SGCD: variants seen among roughly 807,000 people sequenced by gnomAD.
SGCD encodes sarcoglycan delta.
SGCD carries 18 observed loss-of-function variants against 36.6 expected under a neutral mutation model. The observed-to-expected ratio is 0.49, with a 90% CI of 0.34 to 0.73. SGCD has a LOEUF of 0.73. Among genes scored for constraint, SGCD ranks in the 30% least tolerant of loss-of-function variants. SGCD has a pLI of 0.01. For synonymous variants in SGCD, 133 were observed against 130.6 expected, an observed-to-expected ratio of 1.02 and a Z score of -0.12; for missense variants, 387 against 346.7, an observed-to-expected ratio of 1.12 and a Z score of -0.92.
intron 3 of SGCD, among the ~76,000 whole-genome samples, chr5:156,345,714 A>G (rs1768905524): frequency 6.6e-6 from 1 of 152,102 alleles, no homozygotes; most frequent in Non-Finnish European, 1.5e-5. Context: ...CAAGAAACAA[A>G]CCAAATAACA....
At chr5:156,174,223 A>G (rs1763412095) in intron 3 of SGCD, among the ~76,000 whole-genome samples, 1 of 152,234 alleles carries the variant, frequency 6.6e-6, no homozygotes, top group Non-Finnish European at 1.5e-5. Context: ...GATGAAGATA[A>G]GAACTATAAA....
intron 3 of SGCD, among the ~76,000 whole-genome samples, chr5:156,307,558 T>TTG (rs1561611710): frequency 1.1e-5 from 1 of 87,018 alleles, no homozygotes; most frequent in Non-Finnish European, 2.2e-5. Context: ...AACTGTTGTT[T>TTG]TTTTTTTTTT....
chr5:155,950,839 T>C (rs1757534632), intron 1 of SGCD, among the ~76,000 whole-genome samples: 2 of 152,190 alleles, frequency 1.3e-5, no homozygotes, highest in African/African-American at 4.8e-5. Context: ...CTGTTATAAT[T>C]ATTGATTCCT....
chr5:156,146,733 A>T (rs999875017), intron 3 of SGCD, among the ~76,000 whole-genome samples: 1 of 152,230 alleles, frequency 6.6e-6, no homozygotes, highest in African/African-American at 2.4e-5. Context: ...GACTAAAAAT[A>T]AGCGTTAGTG....
chr5:156,191,858 G>A (rs766671677), intron 3 of SGCD, among the ~76,000 whole-genome samples: 1 of 152,162 alleles, frequency 6.6e-6, no homozygotes, highest in Non-Finnish European at 1.5e-5. Flanking sequence ...AGCCACTAGA[G>A]AGGTTTGGGA....
intron 1 of SGCD, among the ~76,000 whole-genome samples, chr5:155,897,846 A>G (rs1756301587): frequency 6.6e-6 from 1 of 152,238 alleles, no homozygotes; most frequent in African/African-American, 2.4e-5. Flanking sequence ...GTTGACCAAC[A>G]TGTCATCATG....
At chr5:156,307,848 C>CAAA (rs1204314551) in intron 3 of SGCD, among the ~76,000 whole-genome samples, 286 of 152,064 alleles carry the variant, frequency 1.9e-3, no homozygotes, top group African/African-American at 6.8e-3. Context: ...TATATTTTCA[C>CAAA]TTTGTGTGTT....
At chr5:156,443,304 G>A (rs1237352692) in intron 3 of SGCD, among the ~76,000 whole-genome samples, 1 of 152,032 alleles carries the variant, frequency 6.6e-6, no homozygotes, top group African/African-American at 2.4e-5. Flanking sequence ...CTTATTGACT[G>A]TTTCCTTTTA....
intron 1 of SGCD, among the ~76,000 whole-genome samples, chr5:155,956,067 C>T (rs951923487): frequency 8.7e-5 from 13 of 150,242 alleles, no homozygotes; most frequent in African/African-American, 3.2e-4. Context: ...ATTTAGATTT[C>T]TTTTTTCAGT....
chr5:156,619,988 GA>G (rs925592915), intron 6 of SGCD, among the ~76,000 whole-genome samples: 1 of 152,170 alleles, frequency 6.6e-6, no homozygotes, highest in Non-Finnish European at 1.5e-5. Context: ...AGACAGAGGA[GA>G]AAATATCCAG....
intron 3 of SGCD, among the ~76,000 whole-genome samples, chr5:156,503,602 G>A (rs4613690): frequency 0.28 from 41,984 of 151,922 alleles, 5,961 homozygotes; most frequent in East Asian, 0.41. Context: ...GACTACGAAT[G>A]TAAAGTCTGA....
intron 3 of SGCD, among the ~76,000 whole-genome samples, chr5:156,128,861 A>G (rs185327376): frequency 1.2e-4 from 18 of 152,356 alleles, no homozygotes; most frequent in African/African-American, 3.6e-4. Context: ...AAATTGACTA[A>G]TATAGTAGAA....
intron 3 of SGCD, among the ~76,000 whole-genome samples, chr5:156,208,961 C>G (rs2127640016): frequency 6.6e-6 from 1 of 152,224 alleles, no homozygotes; most frequent in South Asian, 2.1e-4. Context: ...TACAGGATCT[C>G]CATCACTCTT....
chr5:155,757,224 G>T, the SGCD span, among the ~76,000 whole-genome samples: 144 of 152,280 alleles, frequency 9.5e-4, no homozygotes, highest in Middle Eastern at 3.4e-3. Context: ...CCTAGAGCTG[G>T]CAGGGACCTC....
intron 1 of SGCD, among the ~76,000 whole-genome samples, chr5:156,059,316 C>T (rs1760143405): frequency 6.8e-6 from 1 of 146,020 alleles, no homozygotes. Flanking sequence ...TTAGCTTCTT[C>T]CTCTGCTAAG....
chr5:156,567,058 A>G (rs533826181), intron 4 of SGCD, among the ~76,000 whole-genome samples: 50 of 152,278 alleles, frequency 3.3e-4, no homozygotes, highest in African/African-American at 1.0e-3. Context: ...AAATGATCCT[A>G]TACTTCAGAG....
chr5:156,449,254 A>G (rs1381462110), intron 3 of SGCD, among the ~76,000 whole-genome samples: 1 of 152,084 alleles, frequency 6.6e-6, no homozygotes, highest in South Asian at 2.1e-4. Flanking sequence ...ATTAAATACA[A>G]TGAAGCAGAT....
chr5:156,455,109 C>G (rs1260378096), intron 3 of SGCD, among the ~76,000 whole-genome samples: 1 of 152,150 alleles, frequency 6.6e-6, no homozygotes, highest in Non-Finnish European at 1.5e-5. Context: ...TAAATAGATA[C>G]TTGGCATACT....
chr5:155,924,066 C>G (rs1440637967), intron 1 of SGCD, among the ~76,000 whole-genome samples: 3 of 151,852 alleles, frequency 2.0e-5, no homozygotes, highest in Non-Finnish European at 4.4e-5. Flanking sequence ...TCTGGTGACC[C>G]AAAAAATAAA....
Sources: gnomAD v4.1 joint callset for allele counts (sites outside exome capture counted in the v4.1 genomes callset) on GRCh38, gnomAD v4.1.1 for gene constraint, MANE v1.5 for transcripts, NCBI Gene and HGNC (gene_info 2026-07-23, HGNC 2026-07-21) for gene names.